The following TMEM170B variants were observed in gnomAD, a reference collection of about 807,000 sequenced individuals.
The protein encoded by TMEM170B is transmembrane protein 170B.
TMEM170B carries 6 observed loss-of-function variants against 13.0 expected under a neutral mutation model. The observed-to-expected ratio is 0.46, with a 90% confidence interval of 0.25 to 0.91. TMEM170B has a LOEUF of 0.91. TMEM170B is among the 40% of genes least tolerant of loss of function. TMEM170B has a pLI of 0.17. For synonymous variants in TMEM170B, 61 were observed against 64.9 expected (o/e 0.94, Z 0.29); for missense variants, 138 against 165.2 (o/e 0.84, Z 0.90).
Position 11,581,945 on chromosome 6 carries a change from A to G in TMEM170B, c.*6384A>G, listed in dbSNP as rs1292913183. ...TGTTGACACTTTCTTAATGTTTTTG[A>G]TGTTGGATGCATTTACAATGGAAGA... is the stretch of plus-strand genomic sequence containing the variant. On this transcript the variant is annotated 3_prime_UTR_variant, in exon 3 of 3. Coordinates refer to ENST00000379426, the MANE Select transcript of TMEM170B (RefSeq NM_001100829.3). The G allele has an allele frequency of 1.3e-5, 2 of 152,136 alleles. No individual in the cohort carries two copies. The highest frequency in any genetic ancestry group is 4.8e-5 in the African/African-American group (2 of 41,444). The allele number at this position is 152,136 out of a possible 1,614,324, so 9.4% of individuals were successfully genotyped here. A position where few individuals can be genotyped will look rare whatever the true frequency, so the allele number is the denominator to read the frequency against.
At chr6:11,540,896 A>G (rs955556207) in intron 1 of TMEM170B, among the ~76,000 whole-genome samples, 1 of 152,194 alleles carries the variant, frequency 6.6e-6, no homozygotes, top group African/African-American at 2.4e-5. Flanking sequence ...ACATTGATCT[A>G]CTTGGACATC....
intron 1 of TMEM170B, among the ~76,000 whole-genome samples, chr6:11,548,617 T>C (rs542063799): frequency 4.4e-4 from 67 of 152,312 alleles, no homozygotes; most frequent in Admixed American, 1.3e-3. Flanking sequence ...TAAAGAGACA[T>C]GCACACGTAT....
chr6:11,571,106 A>G (rs1163462017), intron 2 of TMEM170B, among the ~76,000 whole-genome samples: 1 of 147,152 alleles, frequency 6.8e-6, no homozygotes, highest in Non-Finnish European at 1.5e-5. Context: ...ACCTTGTTCT[A>G]TTTTTTTTTC....
chr6:11,546,187 G>A (rs1215981231), intron 1 of TMEM170B, among the ~76,000 whole-genome samples: 1 of 152,004 alleles, frequency 6.6e-6, no homozygotes, highest in Non-Finnish European at 1.5e-5. Flanking sequence ...TGATATTGAT[G>A]ATCCTGACCC....
intron 1 of TMEM170B, among the ~76,000 whole-genome samples, chr6:11,551,733 GC>G (rs766865567): frequency 7.6e-4 from 115 of 152,242 alleles, no homozygotes; most frequent in Non-Finnish European, 5.6e-4. Context: ...TTCTTTTGTG[GC>G]TTGTTGAGTT....
Position 11,580,105 on chromosome 6 carries a change from C to G in TMEM170B, c.*4544C>G, listed in dbSNP as rs1759933330. ...TCTCAGCTCACCGCAACCTCTGCCT[C>G]CCAGGTTCAAGCGATTCTCCTTCCT... On this transcript the variant is annotated 3_prime_UTR_variant, in exon 3 of 3. Coordinates refer to ENST00000379426, the MANE Select transcript of TMEM170B (RefSeq NM_001100829.3). The G allele has an allele frequency of 6.6e-6, 1 of 152,624 alleles. No individual in the cohort carries two copies. The highest frequency in any genetic ancestry group is 2.1e-4 in the South Asian group (1 of 4,830). The allele number at this position is 152,624 out of a possible 1,614,324, so 9.5% of individuals were successfully genotyped here.
In TMEM170B at chr6:11,538,154, C is replaced by T. The variant is rs1759305952; in HGVS notation, c.-124C>T. 9.2e-6 allele frequency: 2 copies of T among 218,144 alleles called. No homozygotes were observed. The highest frequency in any genetic ancestry group is 6.2e-5 in the Admixed American group (1 of 16,124). 13.5% of individuals were successfully genotyped at this position (218,144 alleles called of 1,614,324 possible). ...GCAGCAGCAGCGCCCGGCCCGGCGT[C>T]CCGCAGCCTCCACCAGCGGCGGCGG... On this transcript the variant is annotated 5_prime_UTR_variant, in exon 1 of 3. Transcript: ENST00000379426.
chr6:11,554,799 C>CTGCT (rs1409280457), intron 1 of TMEM170B, among the ~76,000 whole-genome samples: 4 of 152,090 alleles, frequency 2.6e-5, no homozygotes, highest in Admixed American at 2.6e-4. Flanking sequence ...GATAATGTTT[C>CTGCT]TGCTCTCTCT....
chr6:11,554,644 G>T (rs1260317390), intron 1 of TMEM170B, among the ~76,000 whole-genome samples: 5 of 151,996 alleles, frequency 3.3e-5, no homozygotes, highest in African/African-American at 7.2e-5. Context: ...TTAATTATGG[G>T]TATTGTTATT....
At chr6:11,566,266 T>C (rs529956185) in intron 2 of TMEM170B, among the ~76,000 whole-genome samples, 1 of 152,352 alleles carries the variant, frequency 6.6e-6, no homozygotes, top group South Asian at 2.1e-4. Context: ...AAAATTGCAC[T>C]TTCTTCTTAT....
intron 1 of TMEM170B, among the ~76,000 whole-genome samples, chr6:11,542,422 C>A (rs1403937674): frequency 6.6e-6 from 1 of 152,136 alleles, no homozygotes; most frequent in Non-Finnish European, 1.5e-5. Flanking sequence ...TCAATATGAT[C>A]TTAATACTTG....
intron 1 of TMEM170B, among the ~76,000 whole-genome samples, chr6:11,558,621 C>G (rs1325662076): frequency 6.6e-6 from 1 of 152,192 alleles, no homozygotes; most frequent in Non-Finnish European, 1.5e-5. Context: ...CCACTCCCCA[C>G]TCTTATCGCA....
At chr6:11,566,147 G>C (rs1475368555) in intron 2 of TMEM170B, among the ~76,000 whole-genome samples, 2 of 152,130 alleles carry the variant, frequency 1.3e-5, no homozygotes, top group Non-Finnish European at 2.9e-5. Context: ...CTTTCAAGTT[G>C]CTCATTTTCT....
Position 11,554,941 on chromosome 6 carries a change from G to T in TMEM170B, c.98-10725G>T, listed in dbSNP as rs904704678. 7.2e-5 allele frequency among the ~76,000 whole-genome samples: 11 copies of T among 152,152 alleles called. No homozygotes were observed. In the South Asian group the frequency reaches 8.3e-4, roughly 11 times the overall value. ...ATGTTAGCGTGATTAAAAATAAGAA[G>T]AAAATGTCTTTTATGTTTACCTTCA... is the stretch of plus-strand genomic sequence containing the variant. On this transcript the variant is annotated intron_variant, in intron 1 of 2. Transcript: ENST00000379426.
At chr6:11,546,647 C>G (rs78151535) in intron 1 of TMEM170B, among the ~76,000 whole-genome samples, 335 of 152,242 alleles carry the variant, frequency 2.2e-3, no homozygotes, top group African/African-American at 7.5e-3. Context: ...TGTTTAGAGA[C>G]ACAAATACTT....
chr6:11,565,589 A>G, intron 1 of TMEM170B, 77 bp from the exon 2 acceptor site: 1 of 1,500,176 alleles, frequency 6.7e-7, no homozygotes, highest in Non-Finnish European at 9.2e-7. Flanking sequence ...CCCAAACCAT[A>G]GGTGCTCACT....
At chr6:11,552,373 T>C (rs1231010993) in intron 1 of TMEM170B, among the ~76,000 whole-genome samples, 1 of 152,230 alleles carries the variant, frequency 6.6e-6, no homozygotes, top group Non-Finnish European at 1.5e-5. Context: ...TTTTCTTCAT[T>C]TGTATGCAGT....
rs1164410577 is a variant in TMEM170B, at chr6:11,581,252, C to T, written c.*5691C>T. ...TCCCTGATTTTGAGAACGAATTTAGCAATTTCCTAAAAATCTTCCTCCTCT... is the reference window on the plus strand; with the variant it reads ...TCCCTGATTTTGAGAACGAATTTAGTAATTTCCTAAAAATCTTCCTCCTCT... On this transcript the variant is annotated 3_prime_UTR_variant, in exon 3 of 3. Coordinates refer to ENST00000379426, the MANE Select transcript of TMEM170B (RefSeq NM_001100829.3). 2 of 152,152 alleles carry T rather than the reference C, an allele frequency of 1.3e-5. No individual in the cohort carries two copies. Among genetic ancestry groups the T allele is most frequent in the African/African-American group, 4.8e-5 (2 of 41,434 alleles). The allele number at this position is 152,152 out of a possible 1,614,324, so 9.4% of individuals were successfully genotyped here.
rs537472519 is a variant in TMEM170B, at chr6:11,582,368, G to A, written c.*6807G>A. 6.6e-6 allele frequency: 1 copy of A among 152,142 alleles called. No individual in the cohort carries two copies. Among genetic ancestry groups the A allele is most frequent in the Non-Finnish European group, 1.5e-5 (1 of 68,018 alleles). The allele number at this position is 152,142 out of a possible 1,614,324, so 9.4% of individuals were successfully genotyped here. A position where few individuals can be genotyped will look rare whatever the true frequency, so the allele number is the denominator to read the frequency against. ...ATGGATTTAGCAAGATTCAGGATTG[G>A]CACCAGTGAGTTGGCTAGATACACA... is the stretch of plus-strand genomic sequence containing the variant. On this transcript the variant is annotated 3_prime_UTR_variant, in exon 3 of 3. Transcript: ENST00000379426.
Sources: gnomAD v4.1 joint callset for allele counts (sites outside exome capture counted in the v4.1 genomes callset) on GRCh38, gnomAD v4.1.1 for gene constraint, MANE v1.5 for transcripts, NCBI Gene and HGNC (gene_info 2026-07-23, HGNC 2026-07-21) for gene names.